The following KLHL32 variants were observed in gnomAD, a reference collection of about 807,000 sequenced individuals.
The protein encoded by KLHL32 is kelch-like protein 32.
A neutral mutation model predicts 64.8 loss-of-function variants in KLHL32; 35 were observed. The observed-to-expected ratio is 0.54, with a 90% CI of 0.41 to 0.72. KLHL32 has a LOEUF of 0.72. Among genes scored for constraint, KLHL32 ranks in the 30% least tolerant of loss-of-function variants. KLHL32 has a pLI of 0.00. For missense variants in KLHL32, 589 were observed against 768.5 expected (o/e 0.77, Z 2.76); for synonymous variants, 259 against 281.0 (o/e 0.92, Z 0.78).
intron 3 of KLHL32, among the ~76,000 whole-genome samples, chr6:96,981,116 C>T (rs1776257603): frequency 6.6e-6 from 1 of 152,126 alleles, no homozygotes; most frequent in Admixed American, 6.6e-5. Flanking sequence ...ATTCAATTAC[C>T]TCCCACCAGG....
At chr6:97,035,678 C>T (rs1784189208) in intron 3 of KLHL32, among the ~76,000 whole-genome samples, 1 of 151,938 alleles carries the variant, frequency 6.6e-6, no homozygotes, top group Non-Finnish European at 1.5e-5. Context: ...TGCAACATTT[C>T]TACTAAAAAA....
chr6:96,989,350 C>A (rs936668367), intron 3 of KLHL32, among the ~76,000 whole-genome samples: 1 of 152,178 alleles, frequency 6.6e-6, no homozygotes, highest in South Asian at 2.1e-4. Flanking sequence ...TTCTCCTTCA[C>A]TTATGAAGCT....
chr6:97,035,616 G>A (rs771980534), intron 3 of KLHL32, among the ~76,000 whole-genome samples: 2 of 151,686 alleles, frequency 1.3e-5, no homozygotes, highest in Non-Finnish European at 2.9e-5. Flanking sequence ...TGTATACTTG[G>A]CAGTTTTTTT....
chr6:97,003,573 A>G (rs1779308899), intron 3 of KLHL32, among the ~76,000 whole-genome samples: 1 of 152,184 alleles, frequency 6.6e-6, no homozygotes, highest in African/African-American at 2.4e-5. Context: ...GCCAGGGCCT[A>G]TGTCTGAAAT....
chr6:97,044,561 A>G (rs1160808937), intron 4 of KLHL32, among the ~76,000 whole-genome samples: 1 of 152,114 alleles, frequency 6.6e-6, no homozygotes, highest in Non-Finnish European at 1.5e-5. Flanking sequence ...TTTCTGAAAG[A>G]GTTTTAAGAG....
intron 1 of KLHL32, among the ~76,000 whole-genome samples, chr6:96,965,096 A>G (rs1774308171): frequency 6.6e-6 from 1 of 152,130 alleles, no homozygotes; most frequent in African/African-American, 2.4e-5. Context: ...AACATGTGTT[A>G]TTTGTTTTTC....
chr6:97,071,886 G>T (rs1790789773), intron 5 of KLHL32, among the ~76,000 whole-genome samples: 1 of 152,160 alleles, frequency 6.6e-6, no homozygotes, highest in South Asian at 2.1e-4. Context: ...ATCAACACTG[G>T]ACAATCTAAG....
At chr6:97,093,538 G>A (rs75324023) in intron 6 of KLHL32, among the ~76,000 whole-genome samples, 1,776 of 152,204 alleles carry the variant, frequency 0.012, 34 homozygotes, top group African/African-American at 0.04. Context: ...TAAGTCAAAC[G>A]TTTTTATATA....
At chr6:97,095,980 A>G (rs1794929237) in intron 6 of KLHL32, among the ~76,000 whole-genome samples, 1 of 152,174 alleles carries the variant, frequency 6.6e-6, no homozygotes, top group Non-Finnish European at 1.5e-5. Context: ...TGTACATTCT[A>G]GATACATTCC....
chr6:96,946,567 T>C (rs188885971), intron 1 of KLHL32, among the ~76,000 whole-genome samples: 12 of 152,338 alleles, frequency 7.9e-5, no homozygotes, highest in Non-Finnish European at 1.6e-4. Context: ...ATTATTGTAA[T>C]TGTTTTGTGA....
intron 5 of KLHL32, among the ~76,000 whole-genome samples, chr6:97,075,846 G>A (rs1305008092): frequency 2.6e-5 from 4 of 152,140 alleles, no homozygotes; most frequent in African/African-American, 7.2e-5. Flanking sequence ...AATTTCTAAA[G>A]CCGTATACAC....
Position 97,114,074 on chromosome 6 carries a change from C to G in KLHL32, c.919C>G (p.Leu307Val). The G allele has an allele frequency of 6.2e-7, 1 of 1,614,228 alleles. No individual in the cohort carries two copies. The highest frequency in any genetic ancestry group is 8.5e-7 in the Non-Finnish European group (1 of 1,180,048). ...KKREVCKVKE[L>V]RYFNPVDQEN... ...GCGCGAGGTCTGCAAGGTCAAGGAA[C>G]TTCGGTACTTCAATCCTGTTGATCA... Residue 307 changes from leucine (L) to valine (V), a missense_variant, in exon 7 of 11, where the codon CTT becomes GTT. By Grantham distance (32) the Leu-to-Val change is conservative. This residue lies in a region of KLHL32 where 226 missense variants were observed against 353.2 expected (regional missense o/e 0.64). Coordinates refer to ENST00000369261, the MANE Select transcript of KLHL32 (RefSeq NM_052904.4).
chr6:97,029,702 C>T (rs1474712122), intron 3 of KLHL32, among the ~76,000 whole-genome samples: 1 of 152,168 alleles, frequency 6.6e-6, no homozygotes, highest in East Asian at 1.9e-4. Flanking sequence ...GGACCCTCCT[C>T]TCCCTAATGG....
chr6:97,121,844 C>G (rs1441083522), intron 7 of KLHL32, among the ~76,000 whole-genome samples: 2 of 152,088 alleles, frequency 1.3e-5, no homozygotes, highest in African/African-American at 4.8e-5. Context: ...ATGGTTAAAG[C>G]TACGCCATAG....
At chr6:97,006,601 C>T (rs1286931545) in intron 3 of KLHL32, among the ~76,000 whole-genome samples, 1 of 151,904 alleles carries the variant, frequency 6.6e-6, no homozygotes, top group East Asian at 1.9e-4. Flanking sequence ...GCTCTATATA[C>T]TTAAATGTGT....
chr6:97,098,220 G>C (rs1326221477), intron 6 of KLHL32, among the ~76,000 whole-genome samples: 1 of 152,058 alleles, frequency 6.6e-6, no homozygotes, highest in African/African-American at 2.4e-5. Flanking sequence ...CCGCTTTCAT[G>C]CATACCCTTT....
rs1400412032 is a variant in KLHL32 at position 97,140,602 on chromosome 6, C to T, written c.*1320C>T. Reference sequence around the variant, plus strand: ...TTCTTTTTTCCTAACTTCCTCAGGACCTAGGTCACCTTTATTAAAAGGAAG... The same window carrying T: ...TTCTTTTTTCCTAACTTCCTCAGGATCTAGGTCACCTTTATTAAAAGGAAG... On this transcript the variant is annotated 3_prime_UTR_variant, in exon 11 of 11. Coordinates refer to ENST00000369261, the MANE Select transcript of KLHL32 (RefSeq NM_052904.4). 6.6e-6 allele frequency: 1 copy of T among 151,900 alleles called. No individual in the cohort carries two copies. The highest frequency in any genetic ancestry group is 1.5e-5 in the Non-Finnish European group (1 of 67,850). The allele number at this position is 151,900 out of a possible 1,614,324, so 9.4% of individuals were successfully genotyped here. A position where few individuals can be genotyped will look rare whatever the true frequency, so the allele number is the denominator to read the frequency against.
chr6:97,127,422 C>G lies in KLHL32; in HGVS notation c.1373C>G (p.Ala458Gly). ...ATTACAGGTGGAGTAACTAATACGG[C>G]ACAATATCAGAACAGGCTAATGGTG... ...LWISGGVTNT[A>G]QYQNRLMVYE... The change falls in exon 8 of 11, where the codon GCA (alanine) becomes GGA (glycine). Residue 458 changes from alanine (A) to glycine (G), a missense_variant. Ala to Gly is a moderately conservative substitution (Grantham distance 60, BLOSUM62 0). Coordinates refer to ENST00000369261, the MANE Select transcript of KLHL32 (RefSeq NM_052904.4). 1 of 1,613,226 alleles carries G rather than the reference C, an allele frequency of 6.2e-7. No individual in the cohort carries two copies. Among genetic ancestry groups the G allele is most frequent in the Non-Finnish European group, 8.5e-7 (1 of 1,179,334 alleles).
intron 7 of KLHL32, among the ~76,000 whole-genome samples, chr6:97,126,911 A>G (rs1798934303): frequency 6.6e-6 from 1 of 152,030 alleles, no homozygotes. Flanking sequence ...GGCTCTTGTT[A>G]TATTCTATTG....
Sources: allele counts gnomAD v4.1 joint callset (sites outside exome capture counted in the v4.1 genomes callset), GRCh38; gene constraint gnomAD v4.1.1; regional missense constraint gnomAD v4.1.1; transcripts MANE v1.5; gene names NCBI Gene and HGNC (gene_info 2026-07-23, HGNC 2026-07-21).